BTBD9: variants seen among roughly 807,000 people sequenced by gnomAD.
BTBD9 encodes the protein BTB domain containing 9, also known as BTB/POZ domain-containing protein 9.
BTBD9 carries 49 observed loss-of-function variants against 64.3 expected under a neutral mutation model. The observed-to-expected ratio is 0.76, with a 90% CI of 0.61 to 0.97. The LOEUF (loss-of-function observed/expected upper bound fraction) is 0.97. BTBD9 is among the 50% of genes least tolerant of loss of function. BTBD9 has a pLI of 0.00. For missense variants in BTBD9, 598 were observed against 762.1 expected (o/e 0.78, Z 2.53); for synonymous variants, 260 against 274.7 (o/e 0.95, Z 0.53).
chr6:38,635,858 A>G (rs1166846424), intron 1 of BTBD9, among the ~76,000 whole-genome samples: 3 of 152,184 alleles, frequency 2.0e-5, no homozygotes, highest in Admixed American at 2.0e-4. Context: ...TATGAAACAT[A>G]AAATATGAAA....
intron 6 of BTBD9, among the ~76,000 whole-genome samples, chr6:38,508,383 C>T (rs2127408046): frequency 6.6e-6 from 1 of 152,208 alleles, no homozygotes; most frequent in Non-Finnish European, 1.5e-5. Flanking sequence ...CAACCCCTCC[C>T]CCAAATAGAC....
intron 9 of BTBD9, among the ~76,000 whole-genome samples, chr6:38,242,265 A>G (rs1764017244): frequency 6.6e-6 from 1 of 152,200 alleles, no homozygotes; most frequent in South Asian, 2.1e-4. Context: ...CTCAAAATGC[A>G]TCTTTTCAGA....
At position 38,170,280 on chromosome 6, in the gene BTBD9, C is replaced by G. The variant is rs1766703102; in HGVS notation, c.*4705G>C. The stretch of plus-strand genomic sequence containing the variant: ...CCTCTGCATGAGCCCAGCAGAAAAT[C>G]CTAGCTGGAAGGCCGTGGGGCTTGG... On this transcript the variant is annotated 3_prime_UTR_variant, in exon 11 of 11. Coordinates refer to ENST00000481247, the MANE Select transcript of BTBD9 (RefSeq NM_001099272.2). The G allele has an allele frequency of 6.6e-6, 1 of 152,374 alleles. No individual in the cohort carries two copies. Among genetic ancestry groups the G allele is most frequent in the Non-Finnish European group, 1.5e-5 (1 of 68,184 alleles). 9.4% of individuals were successfully genotyped at this position (152,374 alleles called of 1,614,324 possible).
At chr6:38,206,560 A>G (rs777133828) in intron 9 of BTBD9, among the ~76,000 whole-genome samples, 1 of 152,238 alleles carries the variant, frequency 6.6e-6, no homozygotes, top group African/African-American at 2.4e-5. Flanking sequence ...CTCTAGGGAA[A>G]ACAAATGATA....
At chr6:38,590,027 T>C (rs934575509) in intron 4 of BTBD9, among the ~76,000 whole-genome samples, 1 of 152,226 alleles carries the variant, frequency 6.6e-6, no homozygotes, top group Non-Finnish European at 1.5e-5. Flanking sequence ...TAAAGAGTAA[T>C]GTGTTCCTAT....
At chr6:38,289,151 T>C (rs1761865833) in intron 7 of BTBD9, among the ~76,000 whole-genome samples, 1 of 152,112 alleles carries the variant, frequency 6.6e-6, no homozygotes, top group African/African-American at 2.4e-5. Context: ...GGAGGGCAGA[T>C]AGCTTGAGCT....
chr6:38,621,715 A>G (rs1003500274), intron 1 of BTBD9, among the ~76,000 whole-genome samples: 1 of 152,220 alleles, frequency 6.6e-6, no homozygotes, highest in Admixed American at 6.5e-5. Context: ...TAAATACCAC[A>G]AGGAAATCAT....
chr6:38,249,701 T>C (rs1393889029), intron 9 of BTBD9, among the ~76,000 whole-genome samples: 1 of 150,314 alleles, frequency 6.7e-6, no homozygotes, highest in Non-Finnish European at 1.5e-5. Context: ...AACACAACTG[T>C]CTGGGAGCTA....
At chr6:38,429,000 C>T (rs955524676) in intron 6 of BTBD9, among the ~76,000 whole-genome samples, 11 of 151,384 alleles carry the variant, frequency 7.3e-5, no homozygotes, top group Non-Finnish European at 4.4e-5. Flanking sequence ...TGAGCCACTG[C>T]GCCCGGCCCC....
Position 38,635,489 on chromosome 6 carries a change from T to C in BTBD9, c.-28+4311A>G, listed in dbSNP as rs188144187. On this transcript the variant is annotated intron_variant, in intron 1 of 10. Coordinates refer to ENST00000481247, the MANE Select transcript of BTBD9 (RefSeq NM_001099272.2). ...AATTTTAGAACTACTATGGTTTGCA[T>C]GTGTCCTCCATGTGTTAGAGGAGAC... Among the ~76,000 whole-genome samples the C allele has an allele frequency of 9.8e-5, 15 of 152,350 alleles. 1 individual carries two copies. The highest frequency in any genetic ancestry group is 6.8e-3 in the Middle Eastern group (2 of 294).
At chr6:38,507,927 A>G (rs778863965) in intron 6 of BTBD9, among the ~76,000 whole-genome samples, 4 of 142,936 alleles carry the variant, frequency 2.8e-5, no homozygotes, top group Non-Finnish European at 4.5e-5. Flanking sequence ...TCCGCCTCCT[A>G]GGTTCACGCC....
At chr6:38,383,203 T>C (rs1316021793) in intron 6 of BTBD9, among the ~76,000 whole-genome samples, 1 of 152,230 alleles carries the variant, frequency 6.6e-6, no homozygotes, top group Non-Finnish European at 1.5e-5. Flanking sequence ...GCTAGGTATA[T>C]TCAACATTAG....
intron 6 of BTBD9, among the ~76,000 whole-genome samples, chr6:38,492,073 T>G (rs932876788): frequency 1.3e-5 from 2 of 152,132 alleles, no homozygotes; most frequent in Non-Finnish European, 2.9e-5. Flanking sequence ...GAAAAAAGAT[T>G]AACCGGGTCC....
intron 7 of BTBD9, among the ~76,000 whole-genome samples, chr6:38,321,765 A>G (rs556906383): frequency 1.3e-5 from 2 of 152,182 alleles, no homozygotes; most frequent in Admixed American, 6.5e-5. Context: ...TGGGTATGCC[A>G]TATTACACTT....
At chr6:38,438,076 C>T (rs1390567782) in intron 6 of BTBD9, among the ~76,000 whole-genome samples, 1 of 151,522 alleles carries the variant, frequency 6.6e-6, no homozygotes, top group Non-Finnish European at 1.5e-5. Context: ...TTTTCACTCA[C>T]ATCAACAGCA....
chr6:38,512,876 A>G (rs1363238358), intron 6 of BTBD9, among the ~76,000 whole-genome samples: 1 of 152,236 alleles, frequency 6.6e-6, no homozygotes, highest in Non-Finnish European at 1.5e-5. Flanking sequence ...GTTTAACATT[A>G]TGGTATATGT....
In BTBD9 at chr6:38,592,627, T is replaced by C; in HGVS notation, c.763A>G (p.Lys255Glu). 4.3e-6 allele frequency: 7 copies of C among 1,614,074 alleles called. No homozygotes were observed. The highest frequency in any genetic ancestry group is 5.9e-6 in the Non-Finnish European group (7 of 1,180,002). ...ATATCCCGGCTCTCAGATCGCACTT[T>C]AATGGCATCCAGGATGGCATCAGGA... is the stretch of plus-strand genomic sequence containing the variant. ...LSPDAILDAIKVRSESRDMDL... is the reference protein window; with the variant it reads ...LSPDAILDAIEVRSESRDMDL... The change falls in exon 4 of 11, where the codon AAA (lysine) becomes GAA (glutamate). Residue 255 changes from lysine (K) to glutamate (E), a missense_variant. Transcript: ENST00000481247.
At chr6:38,179,683 A>G (rs887441827) in intron 10 of BTBD9, 5 of 456,590 alleles carry the variant, frequency 1.1e-5, no homozygotes, top group Non-Finnish European at 2.2e-5. Context: ...CTGGGAATGA[A>G]CCTCAGGGCT....
At chr6:38,600,119 T>C (rs753583286) in intron 1 of BTBD9, among the ~76,000 whole-genome samples, 9 of 152,216 alleles carry the variant, frequency 5.9e-5, no homozygotes, top group Non-Finnish European at 1.2e-4. Context: ...TCTTAATGTG[T>C]ACACACAACA....
Sources: gnomAD v4.1 joint callset for allele counts (sites outside exome capture counted in the v4.1 genomes callset) on GRCh38, gnomAD v4.1.1 for gene constraint, MANE v1.5 for transcripts, NCBI Gene and HGNC (gene_info 2026-07-23, HGNC 2026-07-21) for gene names.